SLC39A12: variants seen among roughly 807,000 people sequenced by gnomAD.
SLC39A12 encodes zinc transporter ZIP12.
SLC39A12 carries 63 observed loss-of-function variants against 71.1 expected under a neutral mutation model. The ratio of observed to expected loss-of-function variants is 0.89; its 90% CI spans 0.72 to 1.09. The LOEUF is 1.09. Ranked by LOEUF, SLC39A12 falls within the 50% of genes least tolerant of loss-of-function variation. SLC39A12 has a pLI of 0.00. For missense variants in SLC39A12, 892 were observed against 812.6 expected (o/e 1.10, Z -1.19); for synonymous variants, 351 against 301.3 (o/e 1.16, Z -1.71).
rs142543885 is a variant in SLC39A12 at position 17,953,503 on chromosome 10, G to A, written c.227G>A (p.Arg76Gln). ...TTGTTGGAGAAAACTGGGTGCCCAC[G>A]GAGGAGAAACGGAATGCAAGGAGAT... ...KTLLEKTGCPRRRNGMQGDCN... is the reference protein window; with the variant it reads ...KTLLEKTGCPQRRNGMQGDCN... Residue 76 changes from arginine to glutamine, a missense_variant, in exon 2 of 13, where the codon CGG (arginine) becomes CAG (glutamine). Coordinates refer to ENST00000377369, the MANE Select transcript of SLC39A12 (RefSeq NM_001145195.2). 81 of 1,614,172 alleles carry A rather than the reference G, an allele frequency of 5.0e-5. No individual in the cohort carries two copies. The African/African-American group carries it at 9.2e-4, about 18-fold the overall frequency.
chr10:17,957,024 A>G (rs1834568461), intron 2 of SLC39A12, among the ~76,000 whole-genome samples: 1 of 152,152 alleles, frequency 6.6e-6, no homozygotes, highest in Non-Finnish European at 1.5e-5. Context: ...GGAAAAGAAA[A>G]AAACACCTTA....
At chr10:17,972,702 C>G (rs1052833937) in intron 4 of SLC39A12, among the ~76,000 whole-genome samples, 1 of 151,638 alleles carries the variant, frequency 6.6e-6, no homozygotes. Context: ...TTTTCTGTCC[C>G]TTTATTTTTA....
intron 6 of SLC39A12, among the ~76,000 whole-genome samples, chr10:17,986,785 T>C (rs894934581): frequency 1.2e-4 from 19 of 152,290 alleles, no homozygotes; most frequent in African/African-American, 4.3e-4. Flanking sequence ...GCAGGAGGAT[T>C]GCTTGAGCCC....
Position 17,953,365 on chromosome 10 carries a change from C to T in SLC39A12, c.89C>T (p.Ser30Leu), listed in dbSNP as rs1554847357. 2.5e-6 allele frequency: 4 copies of T among 1,614,024 alleles called. No individual in the cohort carries two copies. The highest frequency in any genetic ancestry group is 1.7e-6 in the Non-Finnish European group (2 of 1,180,040). ...RVFSTETDKP[S>L]AQDSRSRGSS... is the part of the protein sequence containing the mutation. ...TTTTCTACTGAGACAGACAAACCCT[C>T]AGCCCAGGATAGCAGAAGCCGTGGG... Residue 30 changes from serine (S) to leucine (L), a missense_variant, in exon 2 of 13, where the codon TCA becomes TTA. Transcript: ENST00000377369.
intron 2 of SLC39A12, among the ~76,000 whole-genome samples, chr10:17,955,119 A>G (rs1167454478): frequency 6.6e-6 from 1 of 152,162 alleles, no homozygotes; most frequent in African/African-American, 2.4e-5. Flanking sequence ...AATGACGTGA[A>G]GTGCCTTATT....
rs560557079 is a variant in SLC39A12 at position 17,979,716 on chromosome 10, T to A, written c.925-1596T>A. On this transcript the variant is annotated intron_variant, in intron 5 of 12. Transcript: ENST00000377369. ...GCCCAATCCCTTACTGAGAAATGCC[T>A]TCCTCACCCACAGGAGTGAGGTTGG... Among the ~76,000 whole-genome samples, 7 of 152,320 alleles carry A rather than the reference T, an allele frequency of 4.6e-5. No homozygotes were observed. The South Asian group carries it at 1.4e-3, about 32-fold the overall frequency.
chr10:17,991,381 C>A, intron 8 of SLC39A12, 78 bp downstream of exon 8: 1 of 1,254,924 alleles, frequency 8.0e-7, no homozygotes, highest in South Asian at 1.8e-5. Context: ...AGTACTTGTT[C>A]AAAAGTAATG....
At chr10:17,981,264 G>C in intron 5 of SLC39A12, 48 bp from the exon 6 acceptor site, 1 of 1,512,176 alleles carries the variant, frequency 6.6e-7, no homozygotes, top group Non-Finnish European at 9.0e-7. Flanking sequence ...GGAGAATCTA[G>C]TTTAAATATG....
chr10:18,038,082 G>A (rs1206609107), intron 12 of SLC39A12, among the ~76,000 whole-genome samples: 4 of 125,072 alleles, frequency 3.2e-5, no homozygotes, highest in Non-Finnish European at 6.5e-5. Context: ...AGTTATCATA[G>A]GGTCCATTAT....
chr10:17,969,909 A>G (rs946193911), intron 4 of SLC39A12, among the ~76,000 whole-genome samples: 5 of 152,204 alleles, frequency 3.3e-5, no homozygotes, highest in Non-Finnish European at 7.3e-5. Context: ...AGTATTTCAT[A>G]GTCTGAAATC....
rs1836514078 is a variant in SLC39A12, at chr10:18,020,815, C to T, written c.1947+17457C>T. On this transcript the variant is annotated intron_variant, in intron 12 of 12. Transcript: ENST00000377369. ...GTCCTTTGCTCATTTTTTAATGGGG[C>T]CATTTGTTTCTTGCTTGTTAATTTA... Among the ~76,000 whole-genome samples, 2 of 151,542 alleles carry T rather than the reference C, an allele frequency of 1.3e-5. 1 individual carries two copies.
chr10:18,009,140 A>G (rs576932965), intron 12 of SLC39A12, among the ~76,000 whole-genome samples: 1 of 152,240 alleles, frequency 6.6e-6, no homozygotes. Flanking sequence ...ACCTTTAGGC[A>G]TTTTTCCTAG....
intron 3 of SLC39A12, among the ~76,000 whole-genome samples, chr10:17,963,484 C>A (rs781859604): frequency 2.0e-5 from 3 of 152,184 alleles, no homozygotes; most frequent in Non-Finnish European, 4.4e-5. Flanking sequence ...AGTATTATAT[C>A]TAGAACTCCT....
chr10:17,983,283 G>T (rs914787671), intron 6 of SLC39A12, among the ~76,000 whole-genome samples: 5 of 151,576 alleles, frequency 3.3e-5, no homozygotes, highest in African/African-American at 1.2e-4. Flanking sequence ...TTGAGCCCGA[G>T]AGTTTGAGAC....
intron 3 of SLC39A12, among the ~76,000 whole-genome samples, chr10:17,965,133 G>A (rs577264678): frequency 2.8e-4 from 42 of 152,208 alleles, no homozygotes; most frequent in African/African-American, 8.9e-4. Flanking sequence ...CTTGAACCCG[G>A]GAGGTGGAGG....
intron 7 of SLC39A12, among the ~76,000 whole-genome samples, chr10:17,988,554 C>G (rs1835463010): frequency 6.6e-6 from 1 of 152,188 alleles, no homozygotes; most frequent in Non-Finnish European, 1.5e-5. Context: ...TATCCAGCCT[C>G]AGATATTTCT....
chr10:18,013,276 C>A (rs1279272842), intron 12 of SLC39A12, among the ~76,000 whole-genome samples: 1 of 150,660 alleles, frequency 6.6e-6, no homozygotes, highest in African/African-American at 2.4e-5. Context: ...AAAGCTTTAG[C>A]TATCATGTTT....
chr10:18,032,236 G>A (rs1361104127), intron 12 of SLC39A12, among the ~76,000 whole-genome samples: 2 of 125,050 alleles, frequency 1.6e-5, no homozygotes, highest in African/African-American at 6.9e-5. Context: ...AAATAACCTT[G>A]GGCAGTATGG....
At chr10:17,991,123 G>A in intron 7 of SLC39A12, 28 bp from the exon 8 acceptor site, 2 of 906,498 alleles carry the variant, frequency 2.2e-6, no homozygotes, top group Non-Finnish European at 3.2e-6. Context: ...CTTTCTCTCT[G>A]CCTTTTTTTT....
Sources: gnomAD v4.1 joint callset for allele counts (sites outside exome capture counted in the v4.1 genomes callset) on GRCh38, gnomAD v4.1.1 for gene constraint, MANE v1.5 for transcripts, NCBI Gene and HGNC (gene_info 2026-07-23, HGNC 2026-07-21) for gene names.